CFAP77: variants seen among roughly 807,000 people sequenced by gnomAD.
CFAP77 encodes cilia- and flagella-associated protein 77.
A neutral mutation model predicts 31.1 loss-of-function variants in CFAP77; 25 were observed. The ratio of observed to expected loss-of-function variants is 0.80; its 90% CI spans 0.59 to 1.12. The LOEUF is 1.12. Among genes scored for constraint, CFAP77 ranks in the 50% most tolerant of loss-of-function variants. The probability of loss-of-function intolerance (pLI) is 0.00; values close to 1 mark genes in which losing one functional copy is unlikely to be tolerated. For synonymous variants in CFAP77, 151 were observed against 159.9 expected, an observed-to-expected ratio of 0.94 and a Z score of 0.42; for missense variants, 377 against 397.3, an observed-to-expected ratio of 0.95 and a Z score of 0.44.
At chr9:132,411,189 C>T (rs890973563) in intron 1 of CFAP77, among the ~76,000 whole-genome samples, 1 of 152,194 alleles carries the variant, frequency 6.6e-6, no homozygotes, top group Admixed American at 6.5e-5. Flanking sequence ...CTGGAGAAGT[C>T]AGGCTGAGGC....
chr9:132,496,280 A>G (rs899421407), intron 1 of CFAP77, among the ~76,000 whole-genome samples: 5 of 152,236 alleles, frequency 3.3e-5, no homozygotes, highest in Admixed American at 2.6e-4. Context: ...GAAGACAGAC[A>G]TTAAACTGAT....
intron 5 of CFAP77, among the ~76,000 whole-genome samples, chr9:132,562,336 C>T (rs1157661359): frequency 6.6e-6 from 1 of 152,214 alleles, no homozygotes; most frequent in Non-Finnish European, 1.5e-5. Flanking sequence ...TGCTTCCCTC[C>T]CTGGGCTCAC....
chr9:132,482,351 T>A (rs760850181), intron 1 of CFAP77: 4 of 1,614,146 alleles, frequency 2.5e-6, no homozygotes, highest in Non-Finnish European at 3.4e-6. Flanking sequence ...ATTCTGTTTA[T>A]GACTCCTCAG....
chr9:132,500,513 A>T (rs60081214), intron 3 of CFAP77, among the ~76,000 whole-genome samples: 12 of 152,052 alleles, frequency 7.9e-5, no homozygotes, highest in Admixed American at 5.2e-4. Context: ...AATTTTTAAA[A>T]TTTTTTATTG....
intron 3 of CFAP77, among the ~76,000 whole-genome samples, chr9:132,513,593 C>T (rs969291460): frequency 1.3e-5 from 2 of 152,192 alleles, no homozygotes; most frequent in East Asian, 1.9e-4. Flanking sequence ...GCACATGACT[C>T]GCTCATCTCA....
chr9:132,548,361 T>C (rs1852769240), intron 5 of CFAP77, among the ~76,000 whole-genome samples: 1 of 152,154 alleles, frequency 6.6e-6, no homozygotes. Flanking sequence ...AGATGCAGCT[T>C]TTCCAAAACC....
intron 3 of CFAP77, among the ~76,000 whole-genome samples, chr9:132,530,136 C>CTT (rs750962954): frequency 0.016 from 1,495 of 93,164 alleles, 23 homozygotes; most frequent in African/African-American, 0.051. Context: ...TCTTTCTTTT[C>CTT]TTTTTTTTTT....
At position 132,517,171 on chromosome 9, in the gene CFAP77, C is replaced by G. The variant is rs543459082; in HGVS notation, c.524+17571C>G. On this transcript the variant is annotated intron_variant, in intron 3 of 5. Coordinates refer to ENST00000393216, the MANE Select transcript of CFAP77 (RefSeq NM_001282957.2). The surrounding 1 kb of genome is among the most constrained non-coding windows in gnomAD (Gnocchi z 4.7). ...GAGAAGCCCAGCCCTCCAGCCTTCTCCCTCCTCCCAAACCAGCCATCTACG... is the reference window on the plus strand; with the variant it reads ...GAGAAGCCCAGCCCTCCAGCCTTCTGCCTCCTCCCAAACCAGCCATCTACG... Among the ~76,000 whole-genome samples, 40 of 152,298 alleles carry G rather than the reference C, an allele frequency of 2.6e-4. No individual in the cohort carries two copies. Among genetic ancestry groups the G allele is most frequent in the South Asian group, 2.5e-3 (12 of 4,828 alleles).
intron 1 of CFAP77, among the ~76,000 whole-genome samples, chr9:132,453,516 A>C (rs1249382612): frequency 6.6e-6 from 1 of 152,236 alleles, no homozygotes; most frequent in Non-Finnish European, 1.5e-5. Context: ...ACAGAGCGAG[A>C]CTCCGTCTCA....
At chr9:132,550,057 A>AG (rs1424131821) in intron 5 of CFAP77, among the ~76,000 whole-genome samples, 1 of 152,200 alleles carries the variant, frequency 6.6e-6, no homozygotes, top group African/African-American at 2.4e-5. Flanking sequence ...CCAAGTTCCT[A>AG]GAGCAGCACT....
intron 1 of CFAP77, among the ~76,000 whole-genome samples, chr9:132,442,329 T>A (rs889532970): frequency 6.6e-6 from 1 of 152,146 alleles, no homozygotes; most frequent in Non-Finnish European, 1.5e-5. Context: ...GGCACACAAA[T>A]CACTTGAGCA....
rs999865162 is a variant in CFAP77, at chr9:132,501,516, C to T, written c.524+1916C>T. Reference sequence around the variant, plus strand: ...CTTCCAGGTTCCAGTGATTCTCCTGCCTCAGCCTCCCGAGTAGCTGGGACT... The same window carrying T: ...CTTCCAGGTTCCAGTGATTCTCCTGTCTCAGCCTCCCGAGTAGCTGGGACT... On this transcript the variant is annotated intron_variant, in intron 3 of 5. Transcript: ENST00000393216. The surrounding 1 kb of genome is among the most constrained non-coding windows in gnomAD (Gnocchi z 4.6). Among the ~76,000 whole-genome samples, 1 of 152,038 alleles carries T rather than the reference C, an allele frequency of 6.6e-6. No homozygotes were observed. Among genetic ancestry groups the T allele is most frequent in the East Asian group, 1.9e-4 (1 of 5,172 alleles).
chr9:132,455,512 A>G lies in CFAP77; in HGVS notation c.196-43183A>G, dbSNP rs1474129331. ...GGCAGAGCGAGACTCCTGAAAAAAAAAAACAAAAAAACTTCGAGACCAGCC... is the reference window on the plus strand; with the variant it reads ...GGCAGAGCGAGACTCCTGAAAAAAAGAAACAAAAAAACTTCGAGACCAGCC... On this transcript the variant is annotated intron_variant, in intron 1 of 5. Transcript: ENST00000393216. The surrounding 1 kb of genome is among the most constrained non-coding windows in gnomAD (Gnocchi z 4.1). Among the ~76,000 whole-genome samples, 1 of 151,660 alleles carries G rather than the reference A, an allele frequency of 6.6e-6. No homozygotes were observed. Among genetic ancestry groups the G allele is most frequent in the African/African-American group, 2.4e-5 (1 of 41,258 alleles).
intron 5 of CFAP77, among the ~76,000 whole-genome samples, chr9:132,569,584 A>G (rs1829928226): frequency 6.6e-6 from 1 of 152,066 alleles, no homozygotes; most frequent in South Asian, 2.1e-4. Context: ...GTGACTGGCC[A>G]CCAGAGACAG....
intron 1 of CFAP77, among the ~76,000 whole-genome samples, chr9:132,494,730 T>A (rs1183912814): frequency 2.6e-5 from 4 of 152,204 alleles, no homozygotes; most frequent in African/African-American, 9.7e-5. Context: ...TTGCCCCACA[T>A]CCTTACCAGT....
At chr9:132,556,487 T>G (rs1380659160) in intron 5 of CFAP77, among the ~76,000 whole-genome samples, 1 of 152,158 alleles carries the variant, frequency 6.6e-6, no homozygotes, top group Non-Finnish European at 1.5e-5. Flanking sequence ...TCACTGTCTT[T>G]GTGAAGTTTC....
At chr9:132,458,261 G>A (rs535723354) in intron 1 of CFAP77, among the ~76,000 whole-genome samples, 1 of 150,246 alleles carries the variant, frequency 6.7e-6, no homozygotes, top group African/African-American at 2.4e-5. Context: ...CCTGAGATGC[G>A]CAGAAGTGCA....
At position 132,550,669 on chromosome 9, in the gene CFAP77, C is replaced by T. The variant is rs192906502; in HGVS notation, c.732+7622C>T. Among the ~76,000 whole-genome samples, 537 of 151,954 alleles carry T rather than the reference C, an allele frequency of 3.5e-3. 5 individuals carry two copies. Among genetic ancestry groups the T allele is most frequent in the African/African-American group, 0.013 (522 of 41,434 alleles). ...CCTCCTAAGTAGCTGGGACTACAGGCGTGCAGCTAATTTTTAATTTTTTTT... is the reference window on the plus strand; with the variant it reads ...CCTCCTAAGTAGCTGGGACTACAGGTGTGCAGCTAATTTTTAATTTTTTTT... On this transcript the variant is annotated intron_variant, in intron 5 of 5. Transcript: ENST00000393216.
chr9:132,453,604 A>G (rs555116837), intron 1 of CFAP77, among the ~76,000 whole-genome samples: 4 of 152,358 alleles, frequency 2.6e-5, no homozygotes, highest in Non-Finnish European at 1.5e-5. Flanking sequence ...TTCCAATTGA[A>G]GCCAAAAGAT....
Sources: gnomAD v4.1 joint callset for allele counts (sites outside exome capture counted in the v4.1 genomes callset) on GRCh38, gnomAD v4.1.1 for gene constraint, Gnocchi (gnomAD v3.1) non-coding constraint, MANE v1.5 for transcripts, NCBI Gene and HGNC (gene_info 2026-07-23, HGNC 2026-07-21) for gene names.